PDE4B: variants seen among roughly 807,000 people sequenced by gnomAD.
PDE4B encodes the protein 3',5'-cyclic-AMP phosphodiesterase 4B.
PDE4B carries 20 observed loss-of-function variants against 82.2 expected under a neutral mutation model. That is an observed-to-expected ratio of 0.24 (90% CI 0.17 to 0.35). The LOEUF (loss-of-function observed/expected upper bound fraction) is 0.35, where lower values mean the gene tolerates loss of function less well. Ranked by LOEUF, PDE4B falls within the 10% of genes least tolerant of loss-of-function variation. PDE4B has a pLI of 1.00. For missense variants in PDE4B, 655 were observed against 907.2 expected, an observed-to-expected ratio of 0.72 and a Z score of 3.57; for synonymous variants, 320 against 318.9, an observed-to-expected ratio of 1.00 and a Z score of -0.04.
intron 3 of PDE4B, among the ~76,000 whole-genome samples, chr1:65,932,234 G>T (rs1199980921): frequency 6.6e-6 from 1 of 151,652 alleles, no homozygotes; most frequent in East Asian, 1.9e-4. Context: ...GCTCAGTGTA[G>T]GGTGAACAGG....
At chr1:65,857,142 T>C (rs1557781831) in intron 1 of PDE4B, among the ~76,000 whole-genome samples, 2 of 152,208 alleles carry the variant, frequency 1.3e-5, no homozygotes, top group African/African-American at 2.4e-5. Context: ...CAGTTTGATG[T>C]TGGCAGAGTA....
chr1:65,957,322 C>T (rs1569813457), intron 3 of PDE4B, among the ~76,000 whole-genome samples: 1 of 152,000 alleles, frequency 6.6e-6, no homozygotes, highest in South Asian at 2.1e-4. Flanking sequence ...TTTTAAGGTT[C>T]GCCACCATTC....
intron 3 of PDE4B, among the ~76,000 whole-genome samples, chr1:66,091,413 T>A (rs1483081723): frequency 1.3e-5 from 2 of 152,098 alleles, no homozygotes; most frequent in African/African-American, 2.4e-5. Context: ...TCACTGAGTG[T>A]CTCTGTTTAA....
At chr1:65,836,340 A>G (rs1052765899) in intron 1 of PDE4B, among the ~76,000 whole-genome samples, 3 of 152,138 alleles carry the variant, frequency 2.0e-5, no homozygotes, top group Admixed American at 2.0e-4. Flanking sequence ...TCTACTCTGT[A>G]AGATCATTTA....
At chr1:66,115,657 G>A (rs1008936066) in intron 3 of PDE4B, among the ~76,000 whole-genome samples, 6 of 152,200 alleles carry the variant, frequency 3.9e-5, no homozygotes, top group African/African-American at 1.4e-4. Flanking sequence ...CTGAAAACTT[G>A]TTCCTCTTTT....
At chr1:66,134,395 C>T (rs1194455437) in intron 3 of PDE4B, among the ~76,000 whole-genome samples, 4 of 152,218 alleles carry the variant, frequency 2.6e-5, no homozygotes, top group Admixed American at 2.6e-4. Context: ...TCTCCTGAGC[C>T]TCTCTTTTAT....
chr1:66,101,925 G>T (rs987370323), intron 3 of PDE4B, among the ~76,000 whole-genome samples: 3 of 152,030 alleles, frequency 2.0e-5, no homozygotes, highest in Non-Finnish European at 4.4e-5. Flanking sequence ...TGTCCTGAAT[G>T]GTATTGCCTA....
At chr1:66,229,122 C>T (rs1340676261) in intron 3 of PDE4B, among the ~76,000 whole-genome samples, 2 of 152,108 alleles carry the variant, frequency 1.3e-5, no homozygotes, top group African/African-American at 4.8e-5. Context: ...ATTCTCCTGC[C>T]TCAGGCTCCT....
intron 3 of PDE4B, among the ~76,000 whole-genome samples, chr1:66,086,343 T>A (rs984011206): frequency 1.3e-5 from 2 of 152,130 alleles, no homozygotes; most frequent in African/African-American, 4.8e-5. Flanking sequence ...GTGTTAATAT[T>A]TTGTATCTTT....
chr1:66,145,585 T>A (rs1646253343), intron 3 of PDE4B, among the ~76,000 whole-genome samples: 1 of 152,210 alleles, frequency 6.6e-6, no homozygotes, highest in Non-Finnish European at 1.5e-5. Flanking sequence ...CTTTGTATGA[T>A]GAATGCAGTT....
chr1:65,952,034 G>A (rs1312487287), intron 3 of PDE4B, among the ~76,000 whole-genome samples: 1 of 152,212 alleles, frequency 6.6e-6, no homozygotes, highest in Non-Finnish European at 1.5e-5. Flanking sequence ...TGTTTTCAAA[G>A]TGTAGTCCGC....
chr1:66,189,603 C>T (rs921855702), intron 3 of PDE4B, among the ~76,000 whole-genome samples: 3 of 152,108 alleles, frequency 2.0e-5, no homozygotes, highest in East Asian at 1.9e-4. Context: ...TCATTGATAC[C>T]CTCTCTTCCA....
chr1:66,241,244 C>G (rs1364439880), intron 3 of PDE4B, among the ~76,000 whole-genome samples: 1 of 152,160 alleles, frequency 6.6e-6, no homozygotes, highest in Non-Finnish European at 1.5e-5. Flanking sequence ...GTCGTGGGCT[C>G]TATATTAGGC....
At chr1:66,260,462 AG>A (rs150829535) in intron 6 of PDE4B, among the ~76,000 whole-genome samples, 21,746 of 152,168 alleles carry the variant, frequency 0.14, 4,192 homozygotes, top group African/African-American at 0.44. Flanking sequence ...CAATATTTTC[AG>A]GAATTAAACA....
At chr1:65,826,031 C>T (rs181793259) in intron 1 of PDE4B, among the ~76,000 whole-genome samples, 1 of 152,082 alleles carries the variant, frequency 6.6e-6, no homozygotes, top group African/African-American at 2.4e-5. Flanking sequence ...GAAGACTTGC[C>T]TGATTTACTG....
At chr1:65,861,064 T>G (rs1646448854) in intron 1 of PDE4B, among the ~76,000 whole-genome samples, 1 of 152,236 alleles carries the variant, frequency 6.6e-6, no homozygotes. Flanking sequence ...AGATCCCTTT[T>G]GTCAATGTTG....
At chr1:66,174,510 C>A (rs1409936942) in intron 3 of PDE4B, among the ~76,000 whole-genome samples, 1 of 152,108 alleles carries the variant, frequency 6.6e-6, no homozygotes, top group Non-Finnish European at 1.5e-5. Context: ...GTAATCCCAG[C>A]ACTTTAGGAG....
chr1:65,971,616 G>A (rs2100626724), intron 3 of PDE4B, among the ~76,000 whole-genome samples: 1 of 152,318 alleles, frequency 6.6e-6, no homozygotes, highest in East Asian at 1.9e-4. Context: ...AGAATGATAT[G>A]TAGTGGAAGT....
intron 7 of PDE4B, among the ~76,000 whole-genome samples, chr1:66,314,264 C>T (rs897045813): frequency 2.6e-5 from 4 of 152,192 alleles, no homozygotes; most frequent in Admixed American, 2.6e-4. Context: ...CTTACATCCT[C>T]CTGCCAGCTT....
Sources: allele counts gnomAD v4.1 joint callset (sites outside exome capture counted in the v4.1 genomes callset), GRCh38; gene constraint gnomAD v4.1.1; transcripts MANE v1.5; gene names NCBI Gene and HGNC (gene_info 2026-07-23, HGNC 2026-07-21).